OXSR1: variants seen among roughly 807,000 people sequenced by gnomAD.
OXSR1 encodes oxidative stress responsive kinase 1, also known as serine/threonine-protein kinase OSR1.
OXSR1 carries 24 observed loss-of-function variants against 79.8 expected under a neutral mutation model. The ratio of observed to expected loss-of-function variants is 0.30; its 90% CI spans 0.22 to 0.42. The LOEUF is 0.42. OXSR1 is among the 10% of genes least tolerant of loss of function. OXSR1 has a pLI of 1.00. For missense variants in OXSR1, 430 were observed against 618.4 expected (o/e 0.70, Z 3.23); for synonymous variants, 226 against 209.2 (o/e 1.08, Z -0.69).
In OXSR1 at chr3:38,229,731, C is replaced by T; in HGVS notation, c.881C>T (p.Ala294Val). The change falls in exon 9 of 18, where the codon GCA (alanine) becomes GTA (valine). Residue 294 changes from alanine to valine, a missense_variant. Ala to Val is a moderately conservative substitution (Grantham distance 64). Transcript: ENST00000311806. ...TTAAGGCACAAATTTTTCCAGAAAG[C>T]AAAGGTAGGAAATTCCAGCTTTTGA... ...ELLRHKFFQK[A>V]KNKEFLQEKT... 6.2e-7 allele frequency: 1 copy of T among 1,610,700 alleles called. No individual in the cohort carries two copies.
intron 2 of OXSR1, among the ~76,000 whole-genome samples, chr3:38,185,033 TC>T (rs573294037): frequency 7.9e-4 from 113 of 143,830 alleles, no homozygotes; most frequent in Non-Finnish European, 1.4e-3. Context: ...GACCTCCGCC[TC>T]CCAGGTTCAA....
intron 1 of OXSR1, among the ~76,000 whole-genome samples, chr3:38,170,634 A>G (rs1701561439): frequency 6.6e-6 from 1 of 152,238 alleles, no homozygotes; most frequent in Non-Finnish European, 1.5e-5. Flanking sequence ...TGACTGCTTA[A>G]AGCCATGTAG....
At chr3:38,229,581 T>C (rs1052886539) in intron 8 of OXSR1, 106 bp from the exon 9 acceptor site, 2 of 842,882 alleles carry the variant, frequency 2.4e-6, no homozygotes, top group African/African-American at 3.4e-5. Context: ...ATACTGAGTT[T>C]TTATTTTGCT....
At chr3:38,221,545 C>T (rs187632751) in intron 5 of OXSR1, 33 bp from the exon 6 acceptor site, 8 of 1,198,712 alleles carry the variant, frequency 6.7e-6, no homozygotes, top group South Asian at 6.1e-5. Flanking sequence ...AGTTGATGCA[C>T]TTTAAATACC....
At chr3:38,180,102 C>T (rs967539200) in intron 1 of OXSR1, among the ~76,000 whole-genome samples, 2 of 152,170 alleles carry the variant, frequency 1.3e-5, no homozygotes, top group African/African-American at 4.8e-5. Context: ...GCCACTGTGC[C>T]CAGCCTGATT....
At chr3:38,189,571 G>A (rs1236469822) in intron 2 of OXSR1, among the ~76,000 whole-genome samples, 1 of 152,196 alleles carries the variant, frequency 6.6e-6, no homozygotes, top group Non-Finnish European at 1.5e-5. Flanking sequence ...ATCAGTCAGG[G>A]ATTATGGACG....
In OXSR1 at chr3:38,241,488, A is replaced by G. The variant is rs550423259; in HGVS notation, c.1075-1255A>G. 2.7e-4 allele frequency among the ~76,000 whole-genome samples: 41 copies of G among 152,200 alleles called. 1 individual carries two copies. The South Asian group carries it at 8.1e-3, about 30-fold the overall frequency. ...TTATATCATGTTAAATTTAATGAGA[A>G]CTATAGTGTGAAGTTATATAAGAAA... On this transcript the variant is annotated intron_variant, in intron 11 of 17. Transcript: ENST00000311806.
At chr3:38,166,070 C>A in intron 1 of OXSR1, 124 bp downstream of exon 1, 1 of 827,426 alleles carries the variant, frequency 1.2e-6, no homozygotes, top group Non-Finnish European at 1.9e-6. Context: ...GCTTGTGGGG[C>A]TGGGGGCTTG....
chr3:38,180,062 CT>C (rs1701753083), intron 1 of OXSR1, among the ~76,000 whole-genome samples: 1 of 152,196 alleles, frequency 6.6e-6, no homozygotes, highest in South Asian at 2.1e-4. Context: ...CCCACCTTGG[CT>C]TCCCAAAGTG....
chr3:38,166,547 C>T (rs533580999), intron 1 of OXSR1, among the ~76,000 whole-genome samples: 20 of 152,138 alleles, frequency 1.3e-4, no homozygotes, highest in Non-Finnish European at 2.1e-4. Context: ...AATCCCACCA[C>T]TTTGGGAGGC....
At position 38,252,768 on chromosome 3, in the gene OXSR1, C is replaced by T. The variant is rs772391934; in HGVS notation, c.1510-49C>T. On this transcript the variant is annotated intron_variant, in intron 17 of 17. Transcript: ENST00000311806. Reference sequence around the variant, plus strand: ...CCATGTCTGTTTTATTTGCTACCTGCAAGTTTGTTTATAAATAATCACAGT... The same window carrying T: ...CCATGTCTGTTTTATTTGCTACCTGTAAGTTTGTTTATAAATAATCACAGT... The T allele has an allele frequency of 1.2e-5, 18 of 1,468,224 alleles. No homozygotes were observed. The East Asian group carries it at 3.4e-4, about 28-fold the overall frequency. The allele number at this position is 1,468,224 out of a possible 1,614,324, so 90.9% of individuals were successfully genotyped here.
At chr3:38,219,012 A>G (rs1702538127) in intron 5 of OXSR1, among the ~76,000 whole-genome samples, 1 of 152,116 alleles carries the variant, frequency 6.6e-6, no homozygotes, top group Admixed American at 6.5e-5. Context: ...TTTCACATCT[A>G]AGTTACTCTT....
chr3:38,170,807 G>A (rs1251117849), intron 1 of OXSR1, among the ~76,000 whole-genome samples: 5 of 152,114 alleles, frequency 3.3e-5, no homozygotes, highest in Admixed American at 2.0e-4. Flanking sequence ...TTTCTGAGAA[G>A]GGTCTCACTC....
rs1553635629 is a variant in OXSR1 at position 38,208,983 on chromosome 3, T to TGTGTGC, written c.435-7110_435-7109insTGCGTG. ...GAGTGTGTGTGTGTGTGTGTGTGTGTGTGCGCGCGCGCGTGCGCGCATGTG... is the reference window on the plus strand; with the variant it reads ...GAGTGTGTGTGTGTGTGTGTGTGTGTGTGTGCGTGCGCGCGCGCGTGCGCGCATGTG... On this transcript the variant is annotated intron_variant, in intron 4 of 17. Coordinates refer to ENST00000311806, the MANE Select transcript of OXSR1 (RefSeq NM_005109.3). 1.0e-4 allele frequency among the ~76,000 whole-genome samples: 13 copies of TGTGTGC among 127,860 alleles called. No individual in the cohort carries two copies. In the East Asian group the frequency reaches 2.8e-3, roughly 28 times the overall value. 83.9% of individuals were successfully genotyped at this position (127,860 alleles called of 152,430 possible).
At chr3:38,171,208 C>T (rs1701574898) in intron 1 of OXSR1, among the ~76,000 whole-genome samples, 1 of 152,180 alleles carries the variant, frequency 6.6e-6, no homozygotes, top group Non-Finnish European at 1.5e-5. Context: ...TTTCTTTGAG[C>T]TACAGCCTAG....
chr3:38,227,556 C>T (rs1702715678), intron 8 of OXSR1, among the ~76,000 whole-genome samples: 3 of 146,772 alleles, frequency 2.0e-5, no homozygotes, highest in Admixed American at 2.0e-4. Context: ...CACACACACA[C>T]ACACACACAC....
Position 38,214,171 on chromosome 3 carries a change from C to CT in OXSR1, c.435-1910dup, listed in dbSNP as rs749047070. The stretch of plus-strand genomic sequence containing the variant: ...TTTTTCTTTTTTATTTTATACACTA[C>CT]TTTTTTTTTTTTTTTCCCAGGAAGA... On this transcript the variant is annotated intron_variant, in intron 4 of 17. Coordinates refer to ENST00000311806, the MANE Select transcript of OXSR1 (RefSeq NM_005109.3). Among the ~76,000 whole-genome samples the CT allele has an allele frequency of 9.9e-3, 1,379 of 139,128 alleles. 22 individuals carry two copies. Among genetic ancestry groups the CT allele is most frequent in the African/African-American group, 0.029 (1,126 of 38,230 alleles). 91.3% of individuals were successfully genotyped at this position (139,128 alleles called of 152,430 possible).
intron 10 of OXSR1, chr3:38,236,625 T>C (rs955985803): frequency 8.7e-6 from 3 of 343,454 alleles, no homozygotes; most frequent in Non-Finnish European, 1.6e-5. Context: ...GCTCAGAGTA[T>C]AGAAGTACAG....
At chr3:38,175,095 A>T (rs994395266) in intron 1 of OXSR1, among the ~76,000 whole-genome samples, 2 of 152,188 alleles carry the variant, frequency 1.3e-5, no homozygotes, top group Non-Finnish European at 2.9e-5. Context: ...TCAGGTGACA[A>T]TACTTTAGTC....
Sources: allele counts gnomAD v4.1 joint callset (sites outside exome capture counted in the v4.1 genomes callset), GRCh38; gene constraint gnomAD v4.1.1; transcripts MANE v1.5; gene names NCBI Gene and HGNC (gene_info 2026-07-23, HGNC 2026-07-21).